Variants in TENM3 observed in about 807,000 individuals in gnomAD.
The protein encoded by TENM3 is teneurin transmembrane protein 3.
Under a neutral mutation model 255.1 loss-of-function variants are expected in TENM3, and 63 were observed. The observed-to-expected ratio is 0.25, with a 90% CI of 0.20 to 0.30. The LOEUF is 0.30. Ranked by LOEUF, TENM3 falls within the 10% of genes least tolerant of loss-of-function variation. The pLI is 1.00. For missense variants in TENM3, 2,929 were observed against 3,461.1 expected (o/e 0.85, Z 3.86); for synonymous variants, 1,306 against 1,322.3 (o/e 0.99, Z 0.27).
At chr4:182,118,027 T>A in the TENM3 span, among the ~76,000 whole-genome samples, 1 of 152,162 alleles carries the variant, frequency 6.6e-6, no homozygotes, top group African/African-American at 2.4e-5. Context: ...TGATGGTGCA[T>A]TTTTATTTTC....
At chr4:182,357,166 C>A (rs1017666128) in intron 3 of TENM3, among the ~76,000 whole-genome samples, 9 of 151,988 alleles carry the variant, frequency 5.9e-5, no homozygotes, top group Non-Finnish European at 1.3e-4. Context: ...TGAACAGTGC[C>A]TCAATAAACA....
At chr4:181,618,896 A>C in the TENM3 span, among the ~76,000 whole-genome samples, 1 of 152,314 alleles carries the variant, frequency 6.6e-6, no homozygotes, top group Admixed American at 6.5e-5. Flanking sequence ...GAGAATTCAG[A>C]GCAAAACAAG....
At chr4:181,659,867 T>A in the TENM3 span, among the ~76,000 whole-genome samples, 1 of 152,218 alleles carries the variant, frequency 6.6e-6, no homozygotes, top group South Asian at 2.1e-4. Context: ...TACAGTCTTA[T>A]TCATTGCTTC....
At chr4:181,522,330 T>C in the TENM3 span, among the ~76,000 whole-genome samples, 1 of 152,166 alleles carries the variant, frequency 6.6e-6, no homozygotes, top group Non-Finnish European at 1.5e-5. Flanking sequence ...GAGAGGTTAC[T>C]TTTATTATCT....
At chr4:182,737,543 G>A (rs926058433) in intron 17 of TENM3, among the ~76,000 whole-genome samples, 11 of 152,204 alleles carry the variant, frequency 7.2e-5, no homozygotes, top group South Asian at 2.1e-4. Flanking sequence ...TCACTAGAAC[G>A]GCCGGTTCAT....
chr4:182,005,512 A>G, the TENM3 span, among the ~76,000 whole-genome samples: 1 of 152,188 alleles, frequency 6.6e-6, no homozygotes, highest in African/African-American at 2.4e-5. Flanking sequence ...TGATGTCTCC[A>G]GCTTTTCTCT....
chr4:182,200,887 C>T (rs1486213780), intron 1 of TENM3, among the ~76,000 whole-genome samples: 5 of 148,478 alleles, frequency 3.4e-5, no homozygotes, highest in South Asian at 2.2e-4. Context: ...TGCAATGGCG[C>T]GATCTCGGCT....
chr4:182,249,504 A>T (rs757809383), intron 1 of TENM3, among the ~76,000 whole-genome samples: 1 of 152,238 alleles, frequency 6.6e-6, no homozygotes, highest in African/African-American at 2.4e-5. Context: ...GCAGGAAAAC[A>T]CAATGGTGGA....
chr4:182,706,077 G>C (rs1157246738), intron 12 of TENM3, among the ~76,000 whole-genome samples: 2 of 152,144 alleles, frequency 1.3e-5, no homozygotes, highest in Non-Finnish European at 2.9e-5. Context: ...ACGTTGTTTA[G>C]TCTGATTTTT....
chr4:182,103,904 A>G, the TENM3 span, among the ~76,000 whole-genome samples: 13 of 152,178 alleles, frequency 8.5e-5, no homozygotes, highest in African/African-American at 2.2e-4. Context: ...CCTTTATTTT[A>G]TCGGGTGTTC....
chr4:182,716,198 AT>A, intron 13 of TENM3, among the ~76,000 whole-genome samples: 1 of 152,158 alleles, frequency 6.6e-6, no homozygotes, highest in East Asian at 1.9e-4. Flanking sequence ...TATAGTTCAG[AT>A]TTTGCTTCTA....
intron 3 of TENM3, among the ~76,000 whole-genome samples, chr4:182,362,736 G>C (rs1766111885): frequency 6.6e-6 from 1 of 152,136 alleles, no homozygotes; most frequent in African/African-American, 2.4e-5. Context: ...CCACTGACCT[G>C]CGCCCACTGT....
chr4:182,452,505 G>A (rs978956229), intron 3 of TENM3, among the ~76,000 whole-genome samples: 1 of 152,146 alleles, frequency 6.6e-6, no homozygotes, highest in Admixed American at 6.6e-5. Context: ...GGAATGAAAG[G>A]ATAAGGGCTA....
the TENM3 span, among the ~76,000 whole-genome samples, chr4:181,971,367 G>A: frequency 1.3e-5 from 2 of 152,150 alleles, no homozygotes; most frequent in Admixed American, 1.3e-4. Context: ...ATGGAGGGAG[G>A]AAGAGGAGAG....
chr4:182,463,197 C>G (rs949016215), intron 3 of TENM3, among the ~76,000 whole-genome samples: 1 of 152,050 alleles, frequency 6.6e-6, no homozygotes, highest in Non-Finnish European at 1.5e-5. Context: ...TTTAAGCTCT[C>G]TACTGAAAGT....
chr4:182,324,080 A>G lies in TENM3; in HGVS notation c.60A>G (p.Glu20=). 6.2e-7 allele frequency: 1 copy of G among 1,614,006 alleles called. No homozygotes were observed. The highest frequency in any genetic ancestry group is 8.5e-7 in the Non-Finnish European group (1 of 1,179,896). The part of the protein sequence containing the change: ...CSLTKSRREK[E]RRYTNSSADN... ...TGACCAAGAGCAGACGAGAGAAGGA[A>G]CGGCGCTACACAAATTCCTCCGCAG... Residue 20 remains glutamate (E), a synonymous_variant, in exon 2 of 28, where the codon GAA becomes GAG. Transcript: ENST00000511685.
At chr4:181,660,551 C>T in the TENM3 span, among the ~76,000 whole-genome samples, 1 of 152,048 alleles carries the variant, frequency 6.6e-6, no homozygotes, top group Non-Finnish European at 1.5e-5. Context: ...TTTTTATTAG[C>T]CAAGTTGATG....
the TENM3 span, among the ~76,000 whole-genome samples, chr4:181,717,965 A>G: frequency 0.048 from 7,341 of 152,320 alleles, 250 homozygotes; most frequent in Middle Eastern, 0.15. Context: ...TTCTTATAGC[A>G]GAAAAATGCC....
the TENM3 span, among the ~76,000 whole-genome samples, chr4:182,008,724 G>T: frequency 1.3e-5 from 2 of 151,956 alleles, no homozygotes; most frequent in Admixed American, 1.3e-4. Flanking sequence ...GCCTACTTCT[G>T]TCAATTTGTC....
Sources: gnomAD v4.1 joint callset for allele counts (sites outside exome capture counted in the v4.1 genomes callset) on GRCh38, gnomAD v4.1.1 for gene constraint, MANE v1.5 for transcripts, NCBI Gene and HGNC (gene_info 2026-07-23, HGNC 2026-07-21) for gene names.